HPS5: variants seen among roughly 807,000 people sequenced by gnomAD.
HPS5 encodes BLOC-2 complex member HPS5.
Under a neutral mutation model 128.0 loss-of-function variants are expected in HPS5, and 83 were observed. The ratio of observed to expected loss-of-function variants is 0.65; its 90% CI spans 0.54 to 0.78. The LOEUF (loss-of-function observed/expected upper bound fraction) is 0.78, where lower values mean the gene tolerates loss of function less well. Ranked by LOEUF, HPS5 falls within the 30% of genes least tolerant of loss-of-function variation. HPS5 has a pLI of 0.00. For synonymous variants in HPS5, 475 were observed against 470.2 expected (o/e 1.01, Z -0.13); for missense variants, 1,281 against 1,326.2 (o/e 0.97, Z 0.53).
intron 1 of HPS5, among the ~76,000 whole-genome samples, chr11:18,319,992 G>T (rs185177641): frequency 1.2e-4 from 18 of 152,156 alleles, no homozygotes; most frequent in South Asian, 1.0e-3. Flanking sequence ...TTGAAACAAA[G>T]AAACTCTGAG....
At chr11:18,315,480 G>A (rs1829268224) in intron 2 of HPS5, among the ~76,000 whole-genome samples, 2 of 152,126 alleles carry the variant, frequency 1.3e-5, no homozygotes, top group South Asian at 4.1e-4. Context: ...GGGCGTGGTG[G>A]CAGGTGCCTG....
intron 19 of HPS5, among the ~76,000 whole-genome samples, chr11:18,285,927 A>G (rs1220962114): frequency 2.0e-5 from 3 of 152,228 alleles, no homozygotes; most frequent in Admixed American, 6.5e-5. Context: ...AAGAAAACAC[A>G]TACATACCTA....
rs1355819005 is a variant in HPS5 at position 18,310,784 on chromosome 11, C to T, written c.434G>A (p.Gly145Glu). ...ILRVFVGDHA[G>E]KVSAIKLNTS... ...ATTGAGTTTGATAGCAGAAACCTTC[C>T]CAGCATGATCACCTACAAAAACTCT... is the stretch of plus-strand genomic sequence containing the variant. Residue 145 changes from glycine (G) to glutamate (E), a missense_variant, in exon 5 of 23, where the codon GGG becomes GAG. By Grantham distance (98) the Gly-to-Glu change is moderately conservative (BLOSUM62 -2). Coordinates refer to ENST00000349215, the MANE Select transcript of HPS5 (RefSeq NM_181507.2). 2 of 1,613,978 alleles carry T rather than the reference C, an allele frequency of 1.2e-6. No homozygotes were observed. Among genetic ancestry groups the T allele is most frequent in the African/African-American group, 2.7e-5 (2 of 74,906 alleles).
rs186130474 is a variant in HPS5 at position 18,280,163 on chromosome 11, C to T, written c.3330-221G>A. Among the ~76,000 whole-genome samples the T allele has an allele frequency of 3.3e-4, 51 of 152,280 alleles. 1 individual carries two copies. The highest frequency in any genetic ancestry group is 1.1e-3 in the African/African-American group (44 of 41,546). On this transcript the variant is annotated intron_variant, in intron 22 of 22. Coordinates refer to ENST00000349215, the MANE Select transcript of HPS5 (RefSeq NM_181507.2). ...TTAATATCCAGAATATCAGAGAACT[C>T]TTACAGCAACAACAACGAAAACACC...
chr11:18,310,957 C>A, intron 4 of HPS5, 24 bp from the exon 5 acceptor site: 1 of 1,594,554 alleles, frequency 6.3e-7, no homozygotes, highest in Non-Finnish European at 8.6e-7. Flanking sequence ...GTCACAGAGG[C>A]AAACGTGGCA....
At chr11:18,283,158 T>C (rs1859241386) in intron 21 of HPS5, among the ~76,000 whole-genome samples, 1 of 151,988 alleles carries the variant, frequency 6.6e-6, no homozygotes, top group Non-Finnish European at 1.5e-5. Flanking sequence ...TAAGCCACCA[T>C]GCCCAGTTAA....
In HPS5 at chr11:18,298,927, C is replaced by T. The variant is rs1254357696; in HGVS notation, c.1029G>A (p.Leu343=). Residue 343 remains leucine, a synonymous_variant, in exon 10 of 23, where the codon TTG becomes TTA. Coordinates refer to ENST00000349215, the MANE Select transcript of HPS5 (RefSeq NM_181507.2). The part of the protein sequence containing the change: ...VAVCRNELFC[L]HLNGKVSHLS... ...GATGTGAGACTTTCCCATTTAGGTG[C>T]AAACAGAACAATTCATTCCTACAGA... The T allele has an allele frequency of 6.2e-7, 1 of 1,614,088 alleles. No homozygotes were observed. Among genetic ancestry groups the T allele is most frequent in the Non-Finnish European group, 8.5e-7 (1 of 1,180,036 alleles).
chr11:18,285,498 T>C lies in HPS5; in HGVS notation c.2838-39A>G, dbSNP rs77099432. ...AGGAATCAGTAAATTAGATAGGAAA[T>C]AAACTCTAGAAAATGCTTATTTATC... On this transcript the variant is annotated intron_variant, in intron 19 of 22. Transcript: ENST00000349215. 0.04 allele frequency: 54,187 copies of C among 1,348,180 alleles called. 2,722 individuals carry two copies. The highest frequency in any genetic ancestry group is 0.24 in the East Asian group (10,596 of 43,476). 83.5% of individuals were successfully genotyped at this position (1,348,180 alleles called of 1,614,324 possible). A position where few individuals can be genotyped will look rare whatever the true frequency, so the allele number is the denominator to read the frequency against.
intron 21 of HPS5, among the ~76,000 whole-genome samples, chr11:18,283,523 T>G (rs1055860108): frequency 6.6e-6 from 1 of 151,732 alleles, no homozygotes; most frequent in East Asian, 1.9e-4. Context: ...AAACAACATA[T>G]GGAAAGCACA....
chr11:18,283,068 C>T (rs1249496778), intron 21 of HPS5, among the ~76,000 whole-genome samples: 1 of 152,170 alleles, frequency 6.6e-6, no homozygotes, highest in Non-Finnish European at 1.5e-5. Context: ...GTGGTGCGAT[C>T]TCAGCTCACT....
At chr11:18,320,288 T>A (rs1434637313) in intron 1 of HPS5, among the ~76,000 whole-genome samples, 1 of 152,200 alleles carries the variant, frequency 6.6e-6, no homozygotes, top group Non-Finnish European at 1.5e-5. Flanking sequence ...GCTTTCAAGA[T>A]CGCACATGAG....
intron 1 of HPS5, among the ~76,000 whole-genome samples, chr11:18,320,022 C>T (rs1019608907): frequency 1.3e-5 from 2 of 151,940 alleles, no homozygotes; most frequent in African/African-American, 4.8e-5. Context: ...TTGCCTTAAT[C>T]TCGGTAAAAA....
chr11:18,316,863 CAGTT>C (rs914534223), intron 2 of HPS5, among the ~76,000 whole-genome samples: 6 of 152,162 alleles, frequency 3.9e-5, no homozygotes, highest in South Asian at 2.1e-4. Flanking sequence ...TACTTGGTGT[CAGTT>C]AGTCTAGTGC....
chr11:18,309,829 T>C lies in HPS5; in HGVS notation c.478-750A>G, dbSNP rs115641481. Among the ~76,000 whole-genome samples the C allele has an allele frequency of 5.5e-3, 842 of 152,248 alleles. 8 individuals are homozygous for C. The highest frequency in any genetic ancestry group is 0.019 in the African/African-American group (808 of 41,566). ...CAGCCTGGGCAACATGGCGAAACCC[T>C]GTCTCTACAAAAGTTTTTAAAAATT... On this transcript the variant is annotated intron_variant, in intron 5 of 22. Coordinates refer to ENST00000349215, the MANE Select transcript of HPS5 (RefSeq NM_181507.2).
intron 19 of HPS5, 107 bp downstream of exon 19, chr11:18,286,484 G>T: frequency 1.8e-6 from 2 of 1,134,108 alleles, no homozygotes; most frequent in South Asian, 2.7e-5. Context: ...CAAGGCTGCA[G>T]GAAGCCATGA....
At position 18,286,607 on chromosome 11, in the gene HPS5, C is replaced by T; in HGVS notation, c.2821G>A (p.Asp941Asn). The T allele has an allele frequency of 6.2e-7, 1 of 1,613,810 alleles. No homozygotes were observed. ...DAPPSTSTMD[D>N]EGYPRPHSHL... is the part of the protein sequence containing the mutation. ...CTTCTGTACCTGGGATAACCTTCAT[C>T]ATCCATTGTGCTGGTGCTTGGTGGA... Residue 941 changes from aspartate (D) to asparagine (N), a missense_variant, in exon 19 of 23, where the codon GAT becomes AAT. Coordinates refer to ENST00000349215, the MANE Select transcript of HPS5 (RefSeq NM_181507.2).
At chr11:18,280,038 A>T (rs1041652373) in intron 22 of HPS5, 96 bp from the exon 23 acceptor site, 32 of 1,248,932 alleles carry the variant, frequency 2.6e-5, no homozygotes, top group Non-Finnish European at 3.6e-5. Flanking sequence ...GGATTCAAAA[A>T]GTTGACTGAT....
At chr11:18,299,052 A>G (rs1003414739) in intron 9 of HPS5, 82 bp from the exon 10 acceptor site, 17 of 1,341,528 alleles carry the variant, frequency 1.3e-5, no homozygotes, top group Non-Finnish European at 1.7e-5. Flanking sequence ...TTATTCTAAT[A>G]AATTCATTTC....
Position 18,291,430 on chromosome 11 carries a change from T to C in HPS5, c.2440+12A>G, listed in dbSNP as rs1450800374. 3 of 1,527,626 alleles carry C rather than the reference T, an allele frequency of 2.0e-6. No individual in the cohort carries two copies. The African/African-American group carries it at 4.1e-5, about 21-fold the overall frequency. The allele number at this position is 1,527,626 out of a possible 1,614,324, so 94.6% of individuals were successfully genotyped here. On this transcript the variant is annotated intron_variant, in intron 16 of 22. Transcript: ENST00000349215. ...CGAATTTCTATCTTTGATAAGGCAA[T>C]CTGAGTATTACCTTTCAATCCTTCA...
Sources: allele counts gnomAD v4.1 joint callset (sites outside exome capture counted in the v4.1 genomes callset), GRCh38; gene constraint gnomAD v4.1.1; transcripts MANE v1.5; gene names NCBI Gene and HGNC (gene_info 2026-07-23, HGNC 2026-07-21).